The following LRP1B variants were observed in gnomAD, a reference collection of about 807,000 sequenced individuals.
LRP1B encodes low-density lipoprotein receptor-related protein 1B.
In LRP1B, 217 loss-of-function variants were observed where a neutral mutation model predicts 556.6. That is an observed-to-expected ratio of 0.39 (90% CI 0.35 to 0.44). LRP1B has a LOEUF of 0.44. LRP1B is among the 20% of genes least tolerant of loss of function. The pLI is 1.00. For synonymous variants in LRP1B, 2,047 were observed against 1,865.8 expected, an observed-to-expected ratio of 1.10 and a Z score of -2.50; for missense variants, 5,053 against 5,620.8, an observed-to-expected ratio of 0.90 and a Z score of 3.23.
At chr2:141,666,335 A>G (rs1366510924) in intron 2 of LRP1B, among the ~76,000 whole-genome samples, 1 of 152,158 alleles carries the variant, frequency 6.6e-6, no homozygotes, top group East Asian at 1.9e-4. Context: ...GTAAATGTAA[A>G]GCCTTATCTC....
At chr2:141,227,141 A>T (rs2105288884) in intron 6 of LRP1B, among the ~76,000 whole-genome samples, 1 of 152,308 alleles carries the variant, frequency 6.6e-6, no homozygotes, top group Admixed American at 6.5e-5. Flanking sequence ...GTCAATATGC[A>T]ATTGCTTAAC....
intron 1 of LRP1B, among the ~76,000 whole-genome samples, chr2:142,111,423 T>C (rs1309608445): frequency 1.3e-5 from 2 of 152,116 alleles, no homozygotes; most frequent in Non-Finnish European, 2.9e-5. Context: ...AGCTCAAGTG[T>C]AGGCTCCTGG....
chr2:141,771,504 T>G (rs1694898866), intron 2 of LRP1B, among the ~76,000 whole-genome samples: 1 of 152,214 alleles, frequency 6.6e-6, no homozygotes, highest in African/African-American at 2.4e-5. Flanking sequence ...ATTTAGACAG[T>G]GAACTAAAAT....
At chr2:140,845,309 T>G (rs986368161) in intron 29 of LRP1B, among the ~76,000 whole-genome samples, 1 of 152,032 alleles carries the variant, frequency 6.6e-6, no homozygotes, top group Non-Finnish European at 1.5e-5. Flanking sequence ...ATTGAATGAG[T>G]CTTCATTGAG....
chr2:140,643,280 G>A (rs1221319728), intron 41 of LRP1B, among the ~76,000 whole-genome samples: 2 of 151,572 alleles, frequency 1.3e-5, no homozygotes, highest in African/African-American at 4.9e-5. Flanking sequence ...TTCAATAGCT[G>A]TTACTATTCA....
intron 7 of LRP1B, among the ~76,000 whole-genome samples, chr2:141,161,423 A>G (rs972419759): frequency 6.6e-6 from 1 of 152,144 alleles, no homozygotes; most frequent in African/African-American, 2.4e-5. Flanking sequence ...ATCTGAGGCT[A>G]CATTATTTTA....
intron 3 of LRP1B, among the ~76,000 whole-genome samples, chr2:141,306,393 T>C (rs1323999741): frequency 6.6e-6 from 1 of 152,122 alleles, no homozygotes; most frequent in Non-Finnish European, 1.5e-5. Context: ...ATCAATATTC[T>C]TTAGGTTTTC....
chr2:141,365,956 C>T (rs1041840186), intron 3 of LRP1B, among the ~76,000 whole-genome samples: 15 of 152,068 alleles, frequency 9.9e-5, no homozygotes, highest in East Asian at 1.9e-4. Flanking sequence ...TACAGGCATG[C>T]GCCACCGCAC....
chr2:140,931,439 AATTCGTCATG>A (rs1695045822), intron 20 of LRP1B, among the ~76,000 whole-genome samples: 1 of 152,120 alleles, frequency 6.6e-6, no homozygotes, highest in African/African-American at 2.4e-5. Context: ...AAACCATCAA[AATTCGTCATG>A]AGTACATAGA....
At chr2:140,443,595 T>C (rs1686524068) in intron 65 of LRP1B, among the ~76,000 whole-genome samples, 1 of 152,236 alleles carries the variant, frequency 6.6e-6, no homozygotes, top group Non-Finnish European at 1.5e-5. Context: ...ACAGCGGTTC[T>C]GTTGAAACCC....
chr2:141,478,426 T>C (rs1398655655), intron 3 of LRP1B, among the ~76,000 whole-genome samples: 1 of 152,186 alleles, frequency 6.6e-6, no homozygotes, highest in Non-Finnish European at 1.5e-5. Context: ...TTGAATAAAA[T>C]TAGGATCTAG....
chr2:141,808,251 T>G (rs940680140), intron 2 of LRP1B, among the ~76,000 whole-genome samples: 1 of 152,092 alleles, frequency 6.6e-6, no homozygotes, highest in African/African-American at 2.4e-5. Flanking sequence ...ATTCTGCAAA[T>G]CTGTGTCATG....
intron 41 of LRP1B, among the ~76,000 whole-genome samples, chr2:140,622,903 A>G (rs952395086): frequency 6.6e-6 from 1 of 152,060 alleles, no homozygotes; most frequent in African/African-American, 2.4e-5. Flanking sequence ...ACTATCTTCA[A>G]TTACTAACTA....
chr2:141,768,160 A>C (rs910434479), intron 2 of LRP1B, among the ~76,000 whole-genome samples: 1 of 152,140 alleles, frequency 6.6e-6, no homozygotes, highest in Non-Finnish European at 1.5e-5. Flanking sequence ...CAAGTTTCAC[A>C]ACTTCCTACA....
intron 35 of LRP1B, among the ~76,000 whole-genome samples, chr2:140,765,991 T>A (rs959655423): frequency 6.6e-6 from 1 of 151,920 alleles, no homozygotes; most frequent in African/African-American, 2.4e-5. Flanking sequence ...TGTGCACATG[T>A]ACCCTAAAAC....
intron 3 of LRP1B, among the ~76,000 whole-genome samples, chr2:141,466,464 G>A (rs1682205635): frequency 6.6e-6 from 1 of 152,146 alleles, no homozygotes; most frequent in African/African-American, 2.4e-5. Flanking sequence ...TTGAAGCAGT[G>A]TTTACCCTCT....
chr2:140,789,865 C>T (rs1287249979), intron 32 of LRP1B, among the ~76,000 whole-genome samples: 1 of 151,568 alleles, frequency 6.6e-6, no homozygotes, highest in Non-Finnish European at 1.5e-5. Context: ...CTCCTGACCT[C>T]GCGATCCGCC....
chr2:140,765,555 G>GT (rs769341019), intron 35 of LRP1B, among the ~76,000 whole-genome samples: 75 of 152,138 alleles, frequency 4.9e-4, no homozygotes, highest in Non-Finnish European at 7.2e-4. Context: ...AGCTCAATAT[G>GT]TTTTTTTCCA....
At chr2:141,062,339 C>T in intron 7 of LRP1B, 66 bp from the exon 8 acceptor site, 2 of 1,026,636 alleles carry the variant, frequency 1.9e-6, no homozygotes, top group Non-Finnish European at 2.9e-6. Context: ...ATGGAGCCAT[C>T]TGTAAAAAAC....
Sources: gnomAD v4.1 joint callset for allele counts (sites outside exome capture counted in the v4.1 genomes callset) on GRCh38, gnomAD v4.1.1 for gene constraint, MANE v1.5 for transcripts, NCBI Gene and HGNC (gene_info 2026-07-23, HGNC 2026-07-21) for gene names.